The following DHRSX variants were observed in gnomAD, a reference collection of about 807,000 sequenced individuals.
The protein encoded by DHRSX is polyprenol dehydrogenase.
A neutral mutation model predicts 34.0 loss-of-function variants in DHRSX; 31 were observed. That is an observed-to-expected ratio of 0.91 (90% CI 0.69 to 1.23). The LOEUF is 1.23. DHRSX is among the 50% of genes most tolerant of loss of function. The pLI is 0.00. For synonymous variants in DHRSX, 201 were observed against 183.8 expected (o/e 1.09, Z -0.76); for missense variants, 414 against 428.1 (o/e 0.97, Z 0.29).
At chrX:2,227,277 G>T (rs2015688466) in intron 6 of DHRSX, among the ~76,000 whole-genome samples, 1 of 151,794 alleles carries the variant, frequency 6.6e-6, no homozygotes, top group Non-Finnish European at 1.5e-5. Flanking sequence ...GTCAGTGAAG[G>T]GTTGAGTGAA....
chrX:2,358,880 C>T (rs1398213466), intron 3 of DHRSX, among the ~76,000 whole-genome samples: 1 of 149,770 alleles, frequency 6.7e-6, no homozygotes, highest in Admixed American at 6.8e-5. Context: ...ACCCGGGGAG[C>T]AGAGGTTGCA....
intron 1 of DHRSX, among the ~76,000 whole-genome samples, chrX:2,462,883 C>G (rs1034863991): frequency 2.2e-4 from 33 of 152,048 alleles, no homozygotes; most frequent in Non-Finnish European, 3.8e-4. Context: ...TTGTGTTCCT[C>G]CCCCAAATTC....
chrX:2,369,645 C>T (rs1278789647), intron 3 of DHRSX, among the ~76,000 whole-genome samples: 1 of 151,924 alleles, frequency 6.6e-6, no homozygotes, highest in African/African-American at 2.4e-5. Flanking sequence ...TACAGGCTCA[C>T]ACCACCAAAA....
intron 1 of DHRSX, among the ~76,000 whole-genome samples, chrX:2,480,655 A>G (rs1179823586): frequency 6.6e-6 from 1 of 151,982 alleles, no homozygotes; most frequent in Admixed American, 6.6e-5. Flanking sequence ...CCATCTCTGC[A>G]AAAAACTTAA....
chrX:2,223,599 G>A (rs1409835344), intron 6 of DHRSX, among the ~76,000 whole-genome samples: 1 of 152,136 alleles, frequency 6.6e-6, no homozygotes, highest in Non-Finnish European at 1.5e-5. Flanking sequence ...GAAAGAGGAA[G>A]GGAGGAAGGA....
intron 3 of DHRSX, among the ~76,000 whole-genome samples, chrX:2,389,369 A>G (rs2043308532): frequency 6.6e-6 from 1 of 151,960 alleles, no homozygotes; most frequent in Non-Finnish European, 1.5e-5. Context: ...CCTGGGCTGA[A>G]TCCCTGAATC....
intron 3 of DHRSX, among the ~76,000 whole-genome samples, chrX:2,339,224 C>A (rs1340740603): frequency 2.6e-5 from 4 of 151,888 alleles, no homozygotes; most frequent in African/African-American, 9.7e-5. Context: ...CAACCTCCAC[C>A]TCCCACGCTC....
At chrX:2,438,693 T>C (rs185770514) in intron 1 of DHRSX, among the ~76,000 whole-genome samples, 3 of 148,080 alleles carry the variant, frequency 2.0e-5, no homozygotes, top group Admixed American at 6.8e-5. Context: ...AAAATGGTCG[T>C]TCATTTCAGG....
chrX:2,389,079 C>A (rs1261649238), intron 3 of DHRSX, among the ~76,000 whole-genome samples: 1 of 152,206 alleles, frequency 6.6e-6, no homozygotes, highest in African/African-American at 2.4e-5. Context: ...CTGTAACACT[C>A]GGCAACGCTA....
chrX:2,401,108 CT>C (rs35151918), intron 3 of DHRSX, among the ~76,000 whole-genome samples: 26,961 of 128,338 alleles, frequency 0.21, 2,944 homozygotes, highest in East Asian at 0.48. Flanking sequence ...ATTTGGGAAG[CT>C]TTTTTTTTTT....
intron 1 of DHRSX, among the ~76,000 whole-genome samples, chrX:2,476,213 C>A (rs1413402846): frequency 6.6e-6 from 1 of 150,674 alleles, no homozygotes; most frequent in Non-Finnish European, 1.5e-5. Context: ...CATGGTGAAA[C>A]CCTGTCTCTA....
intron 1 of DHRSX, among the ~76,000 whole-genome samples, chrX:2,463,428 G>T (rs1356948115): frequency 7.9e-5 from 12 of 151,994 alleles, no homozygotes; most frequent in East Asian, 1.9e-4. Context: ...TTCTAAGGTT[G>T]CTCTCCTGTC....
chrX:2,259,387 G>T (rs755951998), intron 5 of DHRSX, among the ~76,000 whole-genome samples: 64 of 90,802 alleles, frequency 7.0e-4, no homozygotes, highest in Middle Eastern at 0.011. Context: ...TATATATATA[G>T]ATATATAGAT....
intron 1 of DHRSX, chrX:2,500,587 G>C (rs1213059367): frequency 5.2e-6 from 1 of 193,376 alleles, no homozygotes; most frequent in Admixed American, 6.1e-5. Flanking sequence ...GGTCGGGCCG[G>C]GCCAGGCGCG....
chrX:2,383,734 G>A (rs1278118234), intron 3 of DHRSX, among the ~76,000 whole-genome samples: 2 of 152,206 alleles, frequency 1.3e-5, no homozygotes, highest in East Asian at 1.9e-4. Flanking sequence ...TGAGGTTGGC[G>A]ATAGAAGGGA....
intron 6 of DHRSX, among the ~76,000 whole-genome samples, chrX:2,232,881 G>A (rs1429575880): frequency 6.6e-6 from 1 of 151,986 alleles, no homozygotes; most frequent in African/African-American, 2.4e-5. Context: ...CCAAGAATCT[G>A]CATTTCTAAC....
intron 3 of DHRSX, among the ~76,000 whole-genome samples, chrX:2,360,230 G>C (rs9785540): frequency 6.6e-6 from 1 of 151,880 alleles, no homozygotes; most frequent in East Asian, 1.9e-4. Context: ...ACAAAGCATA[G>C]TAACATTTAT....
At chrX:2,307,978 G>A (rs1318650932) in intron 3 of DHRSX, among the ~76,000 whole-genome samples, 10 of 151,942 alleles carry the variant, frequency 6.6e-5, no homozygotes, top group Admixed American at 6.6e-4. Flanking sequence ...CCATGAGAGG[G>A]ACCAGGGAAC....
chrX:2,314,205 A>AGGGAAT (rs2042198814), intron 3 of DHRSX, among the ~76,000 whole-genome samples: 1 of 31,000 alleles, frequency 3.2e-5, no homozygotes, highest in African/African-American at 1.4e-4. Flanking sequence ...GGGAAGGAAG[A>AGGGAAT]GAGGGAGGGA....
Sources: allele counts gnomAD v4.1 joint callset (sites outside exome capture counted in the v4.1 genomes callset), GRCh38; gene constraint gnomAD v4.1.1; transcripts MANE v1.5; gene names NCBI Gene and HGNC (gene_info 2026-07-23, HGNC 2026-07-21).